The following SLC35B3 variants were observed in gnomAD, a reference collection of about 807,000 sequenced individuals.
The protein encoded by SLC35B3 is adenosine 3'-phospho 5'-phosphosulfate transporter 2.
In SLC35B3, 35 loss-of-function variants were observed where a neutral mutation model predicts 44.1. That is an observed-to-expected ratio of 0.79 (90% CI 0.61 to 1.05). The LOEUF (loss-of-function observed/expected upper bound fraction) is 1.05, where lower values mean the gene tolerates loss of function less well. Ranked by LOEUF, SLC35B3 falls within the 50% of genes least tolerant of loss-of-function variation. SLC35B3 has a pLI of 0.00. For synonymous variants in SLC35B3, 146 were observed against 167.3 expected (o/e 0.87, Z 0.98); for missense variants, 414 against 476.4 (o/e 0.87, Z 1.22).
intron 4 of SLC35B3, among the ~76,000 whole-genome samples, chr6:8,424,735 G>T (rs1443784197): frequency 6.6e-6 from 1 of 152,154 alleles, no homozygotes; most frequent in Non-Finnish European, 1.5e-5. Context: ...TACCACATAT[G>T]AGCCTCAAGA....
chr6:8,422,456 T>C lies in SLC35B3; in HGVS notation c.574+14A>G. ...ATTAGTTTTAAATAGTATAAAAACATATCATTACTATACCTTGAATAAAAA... is the reference window on the plus strand; with the variant it reads ...ATTAGTTTTAAATAGTATAAAAACACATCATTACTATACCTTGAATAAAAA... On this transcript the variant is annotated intron_variant, in intron 5 of 10. Coordinates refer to ENST00000644923, the MANE Select transcript of SLC35B3 (RefSeq NM_001370476.2). The C allele has an allele frequency of 6.3e-7, 1 of 1,591,660 alleles. No individual in the cohort carries two copies. The highest frequency in any genetic ancestry group is 8.6e-7 in the Non-Finnish European group (1 of 1,162,540).
At chr6:8,422,972 A>G (rs1763047391) in intron 4 of SLC35B3, among the ~76,000 whole-genome samples, 1 of 151,822 alleles carries the variant, frequency 6.6e-6, no homozygotes, top group African/African-American at 2.4e-5. Flanking sequence ...ATCTTAAGTT[A>G]GAGAAAAAGA....
intron 4 of SLC35B3, among the ~76,000 whole-genome samples, chr6:8,425,737 C>T (rs1160130579): frequency 6.6e-6 from 1 of 152,014 alleles, no homozygotes; most frequent in Non-Finnish European, 1.5e-5. Context: ...ACATTTGTAT[C>T]AAGGTATGTC....
In SLC35B3 at chr6:8,412,010, T is replaced by C. The variant is rs544104710; in HGVS notation, c.*1539A>G. On this transcript the variant is annotated 3_prime_UTR_variant, in exon 11 of 11. Coordinates refer to ENST00000644923, the MANE Select transcript of SLC35B3 (RefSeq NM_001370476.2). ...TCCCCCTGAGATTCATTTGTTGAAA[T>C]CCTAACTCCCAAAGTGATTGTATTA... Among the ~76,000 whole-genome samples the C allele has an allele frequency of 1.3e-5, 2 of 152,284 alleles. No homozygotes were observed. Among genetic ancestry groups the C allele is most frequent in the South Asian group, 4.2e-4 (2 of 4,816 alleles).
At position 8,415,725 on chromosome 6, in the gene SLC35B3, G is replaced by T. The variant is rs139289714; in HGVS notation, c.986-748C>A. On this transcript the variant is annotated intron_variant, in intron 9 of 10. Transcript: ENST00000644923. The stretch of plus-strand genomic sequence containing the variant: ...CTGTTCTGGAAACGTGCCAGAGTCA[G>T]ATTCCAAATGTCTGTTTTTTTCTTT... 7.5e-4 allele frequency among the ~76,000 whole-genome samples: 115 copies of T among 152,320 alleles called. 1 individual carries two copies. The highest frequency in any genetic ancestry group is 8.8e-4 in the Non-Finnish European group (60 of 68,034).
intron 7 of SLC35B3, among the ~76,000 whole-genome samples, chr6:8,418,102 A>C (rs1252851795): frequency 6.6e-6 from 1 of 152,160 alleles, no homozygotes; most frequent in Non-Finnish European, 1.5e-5. Context: ...CTTAGTTATC[A>C]TAATCCAATT....
chr6:8,433,209 C>G lies in SLC35B3; in HGVS notation c.3+1176G>C, dbSNP rs922399796. 3.9e-5 allele frequency among the ~76,000 whole-genome samples: 6 copies of G among 152,176 alleles called. No homozygotes were observed. The highest frequency in any genetic ancestry group is 1.2e-4 in the African/African-American group (5 of 41,444). On this transcript the variant is annotated intron_variant, in intron 2 of 10. Transcript: ENST00000644923. This position sits in a 1 kb window ranked among gnomAD's most constrained non-coding sequence, Gnocchi z 4.1. ...ATTACGAGACTGTTTATAATCAATT[C>G]TTCCCTTTCTGACCCATCTGTCACA...
intron 3 of SLC35B3, among the ~76,000 whole-genome samples, chr6:8,428,991 A>T (rs954450666): frequency 6.6e-6 from 1 of 152,168 alleles, no homozygotes. Context: ...CTTGATGATC[A>T]TCTCTACAAG....
chr6:8,433,103 C>G lies in SLC35B3; in HGVS notation c.3+1282G>C, dbSNP rs753372962. On this transcript the variant is annotated intron_variant, in intron 2 of 10. Coordinates refer to ENST00000644923, the MANE Select transcript of SLC35B3 (RefSeq NM_001370476.2). This position sits in a 1 kb window ranked among gnomAD's most constrained non-coding sequence, Gnocchi z 4.1. ...TCACATTCTATATTTTGCCAAGATTCCTGTTAACTCTACCTCTATAACTAT... is the reference window on the plus strand; with the variant it reads ...TCACATTCTATATTTTGCCAAGATTGCTGTTAACTCTACCTCTATAACTAT... Among the ~76,000 whole-genome samples the G allele has an allele frequency of 4.6e-5, 7 of 152,128 alleles. No individual in the cohort carries two copies. The highest frequency in any genetic ancestry group is 1.0e-4 in the Non-Finnish European group (7 of 68,012).
In SLC35B3 at chr6:8,435,043, G is replaced by T; in HGVS notation, c.-44+300C>A. On this transcript the variant is annotated intron_variant, in intron 1 of 10. Transcript: ENST00000644923. This position sits in a 1 kb window ranked among gnomAD's most constrained non-coding sequence, Gnocchi z 5.5. ...ACTGACAGTTCTCCAGAGACCCCGA[G>T]AACAGCGTAAAAGACCCCTTGAGGT... 8.5e-7 allele frequency: 1 copy of T among 1,177,514 alleles called. No individual in the cohort carries two copies. The highest frequency in any genetic ancestry group is 1.1e-6 in the Non-Finnish European group (1 of 929,650). The allele number at this position is 1,177,514 out of a possible 1,614,324, so 72.9% of individuals were successfully genotyped here.
intron 9 of SLC35B3, among the ~76,000 whole-genome samples, chr6:8,416,388 C>T (rs577964474): frequency 1.3e-5 from 2 of 152,198 alleles, no homozygotes; most frequent in African/African-American, 4.8e-5. Flanking sequence ...GATTTTTCTA[C>T]AGGGCCAAGC....
intron 3 of SLC35B3, among the ~76,000 whole-genome samples, 198 bp from the exon 3 acceptor site, chr6:8,428,256 CCTT>C (rs528254052): frequency 5.9e-5 from 9 of 152,200 alleles, no homozygotes; most frequent in Admixed American, 5.9e-4. Context: ...ATGATATAAA[CCTT>C]CTTCTTTTAG....
In SLC35B3 at chr6:8,427,926, A is replaced by C. The variant is rs759765669; in HGVS notation, c.419+11T>G. On this transcript the variant is annotated intron_variant, in intron 4 of 10. Transcript: ENST00000644923. ...TATAGAAATATCAAAAAATAAAAAC[A>C]AACCACATACCTCCTCCTTTTGTCC... 4.4e-6 allele frequency: 7 copies of C among 1,598,220 alleles called. No individual in the cohort carries two copies. The highest frequency in any genetic ancestry group is 6.0e-6 in the Non-Finnish European group (7 of 1,173,980).
chr6:8,424,659 C>A (rs1763251787), intron 4 of SLC35B3, among the ~76,000 whole-genome samples: 2 of 152,110 alleles, frequency 1.3e-5, no homozygotes, highest in South Asian at 4.1e-4. Context: ...ACAAGGTATT[C>A]TTTGATGAAA....
intron 9 of SLC35B3, 130 bp from the exon 9 acceptor site, chr6:8,415,107 A>C: frequency 1.9e-6 from 1 of 530,226 alleles, no homozygotes; most frequent in Non-Finnish European, 3.3e-6. Context: ...GACAATGGAA[A>C]GTAGAAACCA....
At chr6:8,427,119 A>C (rs1013118559) in intron 4 of SLC35B3, among the ~76,000 whole-genome samples, 1 of 152,344 alleles carries the variant, frequency 6.6e-6, no homozygotes, top group Admixed American at 6.5e-5. Context: ...TTTAAAACGG[A>C]AACAGAGGAA....
At chr6:8,431,411 A>C (rs985894398) in intron 2 of SLC35B3, among the ~76,000 whole-genome samples, 7 of 152,270 alleles carry the variant, frequency 4.6e-5, no homozygotes, top group Non-Finnish European at 1.0e-4. Flanking sequence ...TCGCCTCTTC[A>C]TGATCACTTC....
rs958259585 is a variant in SLC35B3, at chr6:8,433,413, A to G, written c.3+972T>C. 1.3e-5 allele frequency among the ~76,000 whole-genome samples: 2 copies of G among 152,332 alleles called. No individual in the cohort carries two copies. The highest frequency in any genetic ancestry group is 3.9e-4 in the East Asian group (2 of 5,170). ...AAAAGCCTATGAAATCCTTAAGGCA[A>G]GAGATATCTTCCTATGATGTTCTGG... On this transcript the variant is annotated intron_variant, in intron 2 of 10. Coordinates refer to ENST00000644923, the MANE Select transcript of SLC35B3 (RefSeq NM_001370476.2). The surrounding 1 kb of genome is among the most constrained non-coding windows in gnomAD (Gnocchi z 4.1).
chr6:8,422,478 A>T lies in SLC35B3; in HGVS notation c.566T>A (p.Phe189Tyr). ...ACATATCATTACTATACCTTGAATA[A>T]AAACTCCTCCTAGCATAACAGGAAT... is the stretch of plus-strand genomic sequence containing the variant. Residue 189 changes from phenylalanine (F) to tyrosine (Y), a missense_variant, in exon 5 of 11, where the codon TTT becomes TAT. By Grantham distance (22) the Phe-to-Tyr change is conservative (BLOSUM62 3). Transcript: ENST00000644923. The T allele has an allele frequency of 6.2e-7, 1 of 1,612,510 alleles. No individual in the cohort carries two copies. The highest frequency in any genetic ancestry group is 8.5e-7 in the Non-Finnish European group (1 of 1,178,882).
Sources: gnomAD v4.1 joint callset for allele counts (sites outside exome capture counted in the v4.1 genomes callset) on GRCh38, gnomAD v4.1.1 for gene constraint, Gnocchi (gnomAD v3.1) non-coding constraint, MANE v1.5 for transcripts, NCBI Gene and HGNC (gene_info 2026-07-23, HGNC 2026-07-21) for gene names.